OPCML: variants seen among roughly 807,000 people sequenced by gnomAD.
The protein encoded by OPCML is opioid-binding protein/cell adhesion molecule.
OPCML carries 13 observed loss-of-function variants against 37.8 expected under a neutral mutation model. The observed-to-expected ratio is 0.34, with a 90% CI of 0.22 to 0.55. The LOEUF is 0.55. Among genes scored for constraint, OPCML ranks in the 20% least tolerant of loss-of-function variants. OPCML has a pLI of 0.91. For synonymous variants in OPCML, 176 were observed against 168.8 expected (o/e 1.04, Z -0.33); for missense variants, 341 against 435.6 (o/e 0.78, Z 1.93).
chr11:132,763,438 G>T (rs554637296), intron 2 of OPCML, among the ~76,000 whole-genome samples: 1 of 152,280 alleles, frequency 6.6e-6, no homozygotes, highest in East Asian at 1.9e-4. Context: ...GTAAGTGGGG[G>T]AGTTAAGATT....
intron 1 of OPCML, among the ~76,000 whole-genome samples, chr11:133,426,788 T>G (rs1453822901): frequency 1.3e-5 from 2 of 152,174 alleles, no homozygotes; most frequent in African/African-American, 4.8e-5. Context: ...CAGTAAACAC[T>G]GGAGGCCGCC....
chr11:132,730,435 C>A (rs573000901), intron 2 of OPCML, among the ~76,000 whole-genome samples: 1 of 151,958 alleles, frequency 6.6e-6, no homozygotes, highest in Non-Finnish European at 1.5e-5. Context: ...TGAAGAATAG[C>A]GGGTGTGGGA....
At chr11:132,987,443 T>C (rs1396886559) in intron 1 of OPCML, among the ~76,000 whole-genome samples, 10 of 152,082 alleles carry the variant, frequency 6.6e-5, no homozygotes, top group Non-Finnish European at 1.5e-5. Context: ...ATGGAGACAG[T>C]GGGACCAGAC....
chr11:132,880,025 C>T (rs1943168587), intron 2 of OPCML, among the ~76,000 whole-genome samples: 3 of 152,062 alleles, frequency 2.0e-5, no homozygotes, highest in Admixed American at 2.0e-4. Context: ...GGCTCACTTC[C>T]CAGATGCACA....
chr11:132,835,865 T>C (rs559059618), intron 2 of OPCML, among the ~76,000 whole-genome samples: 4 of 152,198 alleles, frequency 2.6e-5, no homozygotes, highest in Non-Finnish European at 5.9e-5. Context: ...CAGAACATCG[T>C]CCTGTATCAC....
chr11:132,938,318 C>A (rs1279930405), intron 2 of OPCML, among the ~76,000 whole-genome samples: 1 of 151,892 alleles, frequency 6.6e-6, no homozygotes, highest in Admixed American at 6.6e-5. Context: ...TCTGTTAGAA[C>A]AGTGTTAGCA....
intron 2 of OPCML, among the ~76,000 whole-genome samples, chr11:132,670,524 A>G (rs912053175): frequency 2.6e-5 from 4 of 152,072 alleles, no homozygotes; most frequent in Admixed American, 2.6e-4. Context: ...ATATACTGAA[A>G]ATTGATTTGC....
At chr11:133,523,319 G>A (rs561325748) in intron 1 of OPCML, among the ~76,000 whole-genome samples, 2 of 152,230 alleles carry the variant, frequency 1.3e-5, no homozygotes, top group East Asian at 3.9e-4. Flanking sequence ...GAGGACGGAC[G>A]CTCTTCTCAG....
chr11:133,026,266 A>G (rs1565404444), intron 1 of OPCML, among the ~76,000 whole-genome samples: 1 of 152,198 alleles, frequency 6.6e-6, no homozygotes, highest in Non-Finnish European at 1.5e-5. Context: ...TCAAATGCAT[A>G]CATGTAAAAA....
chr11:132,498,896 C>T (rs1481298564), intron 4 of OPCML, among the ~76,000 whole-genome samples: 1 of 150,858 alleles, frequency 6.6e-6, no homozygotes, highest in African/African-American at 2.5e-5. Flanking sequence ...GTGGTTGCTC[C>T]AAATCTCAAA....
chr11:132,873,100 C>T (rs1565926868), intron 2 of OPCML, among the ~76,000 whole-genome samples: 2 of 152,164 alleles, frequency 1.3e-5, no homozygotes, highest in Non-Finnish European at 2.9e-5. Flanking sequence ...GGCTACCTTT[C>T]AGGCTGGGGT....
At chr11:133,305,565 A>T (rs145635918) in intron 1 of OPCML, among the ~76,000 whole-genome samples, 98 of 152,308 alleles carry the variant, frequency 6.4e-4, no homozygotes, top group African/African-American at 2.3e-3. Context: ...CATGCTTATC[A>T]TTCTCCCTAA....
intron 3 of OPCML, among the ~76,000 whole-genome samples, chr11:132,610,672 A>G (rs1938585642): frequency 6.6e-6 from 1 of 152,160 alleles, no homozygotes; most frequent in South Asian, 2.1e-4. Context: ...CCACATCATT[A>G]TTTCTGAAGG....
intron 4 of OPCML, among the ~76,000 whole-genome samples, chr11:132,497,129 C>T (rs1489030955): frequency 2.6e-5 from 4 of 152,026 alleles, no homozygotes; most frequent in East Asian, 3.9e-4. Context: ...TCCTCAGAAA[C>T]GAACTCAGAA....
At chr11:132,497,237 T>C (rs1328633146) in intron 4 of OPCML, among the ~76,000 whole-genome samples, 40 of 151,832 alleles carry the variant, frequency 2.6e-4, no homozygotes, top group Non-Finnish European at 1.5e-5. Context: ...CTGGGGCCTG[T>C]CGGAGTGGGG....
At chr11:132,930,693 T>C (rs1450183734) in intron 2 of OPCML, among the ~76,000 whole-genome samples, 1 of 152,062 alleles carries the variant, frequency 6.6e-6, no homozygotes, top group Non-Finnish European at 1.5e-5. Flanking sequence ...ATCAAAACAT[T>C]GTTGAAATAA....
At chr11:133,421,809 C>A in intron 1 of OPCML, 2 of 979,416 alleles carry the variant, frequency 2.0e-6, no homozygotes, top group Non-Finnish European at 2.4e-6. Flanking sequence ...CCAGCTGAGT[C>A]CTCAGGCACC....
In OPCML at chr11:132,808,344, G is replaced by A. The variant is rs559997250; in HGVS notation, c.146+134582C>T. On this transcript the variant is annotated intron_variant, in intron 2 of 7. Transcript: ENST00000524381. ...GTGAGAGCGTTCAGCAGGAAGACCT[G>A]CCTGAAAGAAATTCCTGGCAGTGGG... Among the ~76,000 whole-genome samples the A allele has an allele frequency of 2.0e-5, 3 of 152,350 alleles. No homozygotes were observed. In the South Asian group the frequency reaches 6.2e-4, roughly 32 times the overall value.
chr11:132,816,600 G>A (rs1411666788), intron 2 of OPCML, among the ~76,000 whole-genome samples: 3 of 152,284 alleles, frequency 2.0e-5, no homozygotes, highest in South Asian at 2.1e-4. Context: ...GAAGAGATAC[G>A]TGACACCTGG....
Sources: allele counts gnomAD v4.1 joint callset (sites outside exome capture counted in the v4.1 genomes callset), GRCh38; gene constraint gnomAD v4.1.1; transcripts MANE v1.5; gene names NCBI Gene and HGNC (gene_info 2026-07-23, HGNC 2026-07-21).